Variants in ATP1A4 observed in about 807,000 individuals in gnomAD.
The protein encoded by ATP1A4 is ATPase Na+/K+ transporting subunit alpha 4.
ATP1A4 carries 90 observed loss-of-function variants against 114.3 expected under a neutral mutation model. That is an observed-to-expected ratio of 0.79 (90% confidence interval 0.66 to 0.94). ATP1A4 has a LOEUF of 0.94. ATP1A4 is among the 40% of genes least tolerant of loss of function. ATP1A4 has a pLI of 0.00. For synonymous variants in ATP1A4, 511 were observed against 494.1 expected, an observed-to-expected ratio of 1.03 and a Z score of -0.45; for missense variants, 1,222 against 1,313.6, an observed-to-expected ratio of 0.93 and a Z score of 1.08.
rs746046672 is a variant in ATP1A4 at position 160,177,629 on chromosome 1, T to G, written c.2701T>G (p.Leu901Val). ...GIRLHWEDKY[L>V]NDLEDSYGQQ... ...CCGCCTCCACTGGGAAGATAAATAC[T>G]TGAATGACCTGGAGGACAGCTACGG... Residue 901 changes from leucine (L) to valine (V), a missense_variant, in exon 18 of 22, where the codon TTG (leucine) becomes GTG (valine). Physicochemically the swap from Leu to Val is conservative, Grantham distance 32. Coordinates refer to ENST00000368081, the MANE Select transcript of ATP1A4 (RefSeq NM_144699.4). 2.5e-6 allele frequency: 4 copies of G among 1,614,144 alleles called. No homozygotes were observed. The highest frequency in any genetic ancestry group is 3.4e-6 in the Non-Finnish European group (4 of 1,180,034).
In ATP1A4 at chr1:160,174,589, T is replaced by G. The variant is rs1169738222; in HGVS notation, c.2153T>G (p.Val718Gly). 1.2e-6 allele frequency: 2 copies of G among 1,613,720 alleles called. No homozygotes were observed. Among genetic ancestry groups the G allele is most frequent in the Non-Finnish European group, 1.7e-6 (2 of 1,179,648 alleles). ...TCTGGACTTCCTCAGGGAGCCGTTG[T>G]GGCCGTGACAGGTGACGGGGTGAAC... ...VEGCQRLGAV[V>G]AVTGDGVNDS... Residue 718 changes from valine (V) to glycine (G), a missense_variant, in exon 15 of 22, where the codon GTG becomes GGG. Val to Gly is a moderately radical substitution (Grantham distance 109, BLOSUM62 -3). Transcript: ENST00000368081.
chr1:160,171,503 G>A (rs1571025590), intron 11 of ATP1A4, 63 bp downstream of exon 11: 2 of 1,600,382 alleles, frequency 1.2e-6, no homozygotes, highest in Non-Finnish European at 8.5e-7. Context: ...TCCCTGGGGT[G>A]AGAAATCAAG....
chr1:160,164,069 C>A, intron 6 of ATP1A4, 87 bp from the exon 7 acceptor site: 1 of 1,509,954 alleles, frequency 6.6e-7, no homozygotes, highest in South Asian at 1.3e-5. Context: ...TTTAGAAGCT[C>A]TATGTCAGGA....
At chr1:160,157,269 G>T (rs11265337) in intron 4 of ATP1A4, among the ~76,000 whole-genome samples, 1 of 151,894 alleles carries the variant, frequency 6.6e-6, no homozygotes, top group Non-Finnish European at 1.5e-5. Context: ...TTTGGTGTAC[G>T]AATTATTTCA....
chr1:160,181,633 G>A, intron 18 of ATP1A4, 51 bp from the exon 19 acceptor site: 2 of 1,607,276 alleles, frequency 1.2e-6, no homozygotes, highest in Admixed American at 1.7e-5. Context: ...AAGCCTTAGG[G>A]TGTACAGAAT....
At position 160,152,138 on chromosome 1, in the gene ATP1A4, G is replaced by A; in HGVS notation, c.98G>A (p.Arg33Lys). The A allele has an allele frequency of 6.2e-7, 1 of 1,614,030 alleles. No individual in the cohort carries two copies. The highest frequency in any genetic ancestry group is 1.3e-5 in the African/African-American group (1 of 75,028). ...CTTATCAAGAAAAAAATGGTGAAGA[G>A]GGAAAAACAGAAGCGCAATATGGAG... ...KGLIKKKMVK[R>K]EKQKRNMEEL... The change falls in exon 1 of 22, where the codon AGG (arginine) becomes AAG (lysine). Residue 33 changes from arginine (R) to lysine (K), a missense_variant. Coordinates refer to ENST00000368081, the MANE Select transcript of ATP1A4 (RefSeq NM_144699.4).
chr1:160,177,994 T>C (rs1307562721), intron 18 of ATP1A4, among the ~76,000 whole-genome samples: 1 of 152,242 alleles, frequency 6.6e-6, no homozygotes, highest in Non-Finnish European at 1.5e-5. Flanking sequence ...TCAACCATGA[T>C]TGCCCCAGAA....
Position 160,182,040 on chromosome 1 carries a change from G to C in ATP1A4, c.2969+9G>C. On this transcript the variant is annotated intron_variant, in intron 20 of 21. Coordinates refer to ENST00000368081, the MANE Select transcript of ATP1A4 (RefSeq NM_144699.4). ...CGAATGTACCCACTCAAGTGAGTAAGGGAAGGGATGCAAGCAGGGGATGTG... is the reference window on the plus strand; with the variant it reads ...CGAATGTACCCACTCAAGTGAGTAACGGAAGGGATGCAAGCAGGGGATGTG... 6.2e-7 allele frequency: 1 copy of C among 1,605,466 alleles called. No individual in the cohort carries two copies. The highest frequency in any genetic ancestry group is 8.5e-7 in the Non-Finnish European group (1 of 1,172,080).
At chr1:160,174,505 G>A (rs1177355541) in intron 14 of ATP1A4, 74 bp from the exon 15 acceptor site, 5 of 1,560,050 alleles carry the variant, frequency 3.2e-6, no homozygotes, top group Admixed American at 3.6e-5. Context: ...GATGCAGAAA[G>A]CGTACTGATC....
chr1:160,160,323 T>C (rs1441873031), intron 6 of ATP1A4, among the ~76,000 whole-genome samples: 1 of 152,148 alleles, frequency 6.6e-6, no homozygotes, highest in African/African-American at 2.4e-5. Flanking sequence ...TTCAAGCAAT[T>C]ATCCTGCCTC....
chr1:160,171,812 C>T, intron 12 of ATP1A4, 55 bp downstream of exon 12: 1 of 1,574,742 alleles, frequency 6.4e-7, no homozygotes, highest in Non-Finnish European at 8.7e-7. Flanking sequence ...GAAGCATCTA[C>T]TAGAAGGCCT....
chr1:160,151,856 T>A lies in ATP1A4; in HGVS notation c.-185T>A, dbSNP rs1386260719. 1 of 601,624 alleles carries A rather than the reference T, an allele frequency of 1.7e-6. No homozygotes were observed. Among genetic ancestry groups the A allele is most frequent in the Non-Finnish European group, 2.8e-6 (1 of 356,022 alleles). 37.3% of individuals were successfully genotyped at this position (601,624 alleles called of 1,614,324 possible). A position where few individuals can be genotyped will look rare whatever the true frequency, so the allele number is the denominator to read the frequency against. On this transcript the variant is annotated 5_prime_UTR_variant, in exon 1 of 22. Transcript: ENST00000368081. ...TCAGTCTCTCCTCTCTCACTTCCCTTCCTCTCTCTCACCTTCACCACCCAA... is the reference window on the plus strand; with the variant it reads ...TCAGTCTCTCCTCTCTCACTTCCCTACCTCTCTCTCACCTTCACCACCCAA...
At chr1:160,159,624 C>G in intron 6 of ATP1A4, 98 bp downstream of exon 6, 1 of 1,110,452 alleles carries the variant, frequency 9.0e-7, no homozygotes, top group Non-Finnish European at 1.3e-6. Context: ...TAGGTAAGAG[C>G]CAGTAAAAAG....
chr1:160,168,517 G>C (rs984322054), intron 10 of ATP1A4, among the ~76,000 whole-genome samples: 1 of 151,668 alleles, frequency 6.6e-6, no homozygotes, highest in African/African-American at 2.4e-5. Context: ...AGAATAGCTG[G>C]GATTACAGGC....
chr1:160,168,546 C>T (rs777486922), intron 10 of ATP1A4, among the ~76,000 whole-genome samples: 3 of 151,972 alleles, frequency 2.0e-5, no homozygotes, highest in Non-Finnish European at 4.4e-5. Context: ...CCACGCCCGG[C>T]TAATTTTTTG....
At position 160,179,048 on chromosome 1, in the gene ATP1A4, G is replaced by A. The variant is rs561590674; in HGVS notation, c.2736+1384G>A. On this transcript the variant is annotated intron_variant, in intron 18 of 21. Transcript: ENST00000368081. ...AGTCCCACAGTGAATCCCTAAAAGA[G>A]CTGGACTTGAATTCTGGACTCTAGA... is the stretch of plus-strand genomic sequence containing the variant. Among the ~76,000 whole-genome samples, 116 of 152,318 alleles carry A rather than the reference G, an allele frequency of 7.6e-4. 1 individual carries two copies. The highest frequency in any genetic ancestry group is 2.8e-3 in the African/African-American group (115 of 41,566).
chr1:160,186,476 G>A (rs1196875085), intron 21 of ATP1A4, 109 bp downstream of exon 21: 18 of 1,095,694 alleles, frequency 1.6e-5, no homozygotes, highest in South Asian at 8.3e-5. Flanking sequence ...TCCCCTCCTC[G>A]CTGCCAGCCT....
chr1:160,178,742 C>A (rs1653577758), intron 18 of ATP1A4, among the ~76,000 whole-genome samples: 3 of 152,128 alleles, frequency 2.0e-5, no homozygotes, highest in African/African-American at 7.2e-5. Context: ...CATTCTAAAC[C>A]TTTTTAACCT....
chr1:160,175,535 C>T (rs1435690043), intron 15 of ATP1A4, among the ~76,000 whole-genome samples: 1 of 151,792 alleles, frequency 6.6e-6, no homozygotes, highest in African/African-American at 2.4e-5. Flanking sequence ...GTGGGGATGA[C>T]AAACAATAAA....
Sources: allele counts gnomAD v4.1 joint callset (sites outside exome capture counted in the v4.1 genomes callset), GRCh38; gene constraint gnomAD v4.1.1; transcripts MANE v1.5; gene names NCBI Gene and HGNC (gene_info 2026-07-23, HGNC 2026-07-21).